The following TRDN variants were observed in gnomAD, a reference collection of about 807,000 sequenced individuals.
The protein encoded by TRDN is triadin in skeletal muscle.
In TRDN, 161 loss-of-function variants were observed where a neutral mutation model predicts 149.7. That is an observed-to-expected ratio of 1.08 (90% CI 0.95 to 1.23). TRDN has a LOEUF of 1.23. Ranked by LOEUF, TRDN falls within the 50% of genes most tolerant of loss-of-function variation. The probability of loss-of-function intolerance (pLI) is 0.00; values close to 1 mark genes in which losing one functional copy is unlikely to be tolerated. For synonymous variants in TRDN, 294 were observed against 250.5 expected (o/e 1.17, Z -1.64); for missense variants, 896 against 823.5 (o/e 1.09, Z -1.08).
At chr6:123,543,134 T>A (rs992001918) in intron 4 of TRDN, among the ~76,000 whole-genome samples, 2 of 152,288 alleles carry the variant, frequency 1.3e-5, no homozygotes, top group Non-Finnish European at 2.9e-5. Context: ...ATTCATTAAA[T>A]TTTTAACTGT....
At chr6:123,510,385 G>C (rs1379834447) in intron 7 of TRDN, 2 of 151,934 alleles carry the variant, frequency 1.3e-5, no homozygotes, top group South Asian at 2.1e-4. Context: ...GAGGCTTCTA[G>C]CTAATTGCCT....
At chr6:123,535,572 T>C (rs571288183) in intron 4 of TRDN, among the ~76,000 whole-genome samples, 1 of 152,246 alleles carries the variant, frequency 6.6e-6, no homozygotes, top group South Asian at 2.1e-4. Flanking sequence ...ACAACTTTCT[T>C]TCATTAAGGA....
intron 4 of TRDN, among the ~76,000 whole-genome samples, chr6:123,540,039 G>A (rs1442265099): frequency 2.0e-5 from 3 of 152,150 alleles, no homozygotes; most frequent in Non-Finnish European, 4.4e-5. Context: ...GACATTTGTG[G>A]CATTCCTGCT....
Position 123,350,575 on chromosome 6 carries a change from A to G in TRDN, c.1369+1964T>C, listed in dbSNP as rs542173169. On this transcript the variant is annotated intron_variant, in intron 21 of 40. Transcript: ENST00000334268. The stretch of plus-strand genomic sequence containing the variant: ...TTATGCATAACTATTAGAATATGGG[A>G]CAATTTATAGAATGTCATTATTACT... 2,081 of 714,416 alleles carry G rather than the reference A, an allele frequency of 2.9e-3. 3 individuals carry two copies. The highest frequency in any genetic ancestry group is 3.4e-3 in the Non-Finnish European group (1,991 of 582,924). The allele number at this position is 714,416 out of a possible 1,614,324, so 44.3% of individuals were successfully genotyped here.
At chr6:123,360,737 GAGAGAC>G (rs1780868911) in intron 20 of TRDN, among the ~76,000 whole-genome samples, 1 of 151,056 alleles carries the variant, frequency 6.6e-6, no homozygotes, top group Admixed American at 6.6e-5. Flanking sequence ...GAGAGAGAGA[GAGAGAC>G]AGGGAGAGAG....
chr6:123,264,681 A>AGAG (rs1776880103), intron 33 of TRDN, among the ~76,000 whole-genome samples: 8 of 135,408 alleles, frequency 5.9e-5, no homozygotes, highest in African/African-American at 8.3e-5. Context: ...TTGTCAGTCA[A>AGAG]TCAATGTACC....
At chr6:123,502,479 C>A (rs1012832980) in intron 8 of TRDN, 45 of 838,132 alleles carry the variant, frequency 5.4e-5, no homozygotes, top group Non-Finnish European at 6.0e-5. Flanking sequence ...AAGAAAAAAT[C>A]TTTCCTTTTT....
rs193019179 is a variant in TRDN at position 123,265,926 on chromosome 6, T to C, written c.1784-588A>G. 4.1e-3 allele frequency among the ~76,000 whole-genome samples: 602 copies of C among 146,730 alleles called. 7 individuals are homozygous for C. The highest frequency in any genetic ancestry group is 0.014 in the African/African-American group (575 of 40,502). On this transcript the variant is annotated intron_variant, in intron 32 of 40. Coordinates refer to ENST00000334268, the MANE Select transcript of TRDN (RefSeq NM_006073.4). The stretch of plus-strand genomic sequence containing the variant: ...AAATATATTAACTAAAAACGTTAAC[T>C]GTGTCATCGTACATCTAAAGTTCTA...
chr6:123,377,711 C>T lies in TRDN; in HGVS notation c.1246+5G>A. The T allele has an allele frequency of 6.2e-7, 1 of 1,613,082 alleles. No homozygotes were observed. The highest frequency in any genetic ancestry group is 8.5e-7 in the Non-Finnish European group (1 of 1,179,564). On this transcript the variant is annotated splice_donor_5th_base_variant and intron_variant, in intron 18 of 40. Coordinates refer to ENST00000334268, the MANE Select transcript of TRDN (RefSeq NM_006073.4). ...TCGGAATCCAGCAACAGTGGTCTTA[C>T]TCACCTGAGTGTTCTTTCTTTGGTG...
chr6:123,317,605 A>G (rs1009136620), intron 23 of TRDN, among the ~76,000 whole-genome samples: 1 of 151,870 alleles, frequency 6.6e-6, no homozygotes, highest in Non-Finnish European at 1.5e-5. Flanking sequence ...CCCCTTTTTG[A>G]CACATTCACT....
At chr6:123,496,161 C>T (rs970043000) in intron 9 of TRDN, among the ~76,000 whole-genome samples, 6 of 146,448 alleles carry the variant, frequency 4.1e-5, no homozygotes, top group East Asian at 4.0e-4. Flanking sequence ...TGACTTTCCC[C>T]CTCATTTAAA....
chr6:123,412,953 TA>T (rs1313026263), intron 12 of TRDN, among the ~76,000 whole-genome samples: 1 of 152,140 alleles, frequency 6.6e-6, no homozygotes, highest in Non-Finnish European at 1.5e-5. Flanking sequence ...AAAAAATATC[TA>T]AAATGTTCAA....
At chr6:123,331,510 C>A (rs1779657045) in intron 23 of TRDN, among the ~76,000 whole-genome samples, 1 of 152,012 alleles carries the variant, frequency 6.6e-6, no homozygotes, top group Non-Finnish European at 1.5e-5. Context: ...CAAAAGATTT[C>A]ACTGAGAAAT....
chr6:123,628,449 G>A (rs1292748639), intron 1 of TRDN, among the ~76,000 whole-genome samples: 1 of 151,884 alleles, frequency 6.6e-6, no homozygotes, highest in Non-Finnish European at 1.5e-5. Context: ...TTACAATATT[G>A]ATATCAAAGA....
At chr6:123,365,085 G>T (rs1325309695) in intron 20 of TRDN, among the ~76,000 whole-genome samples, 1 of 152,162 alleles carries the variant, frequency 6.6e-6, no homozygotes, top group African/African-American at 2.4e-5. Flanking sequence ...ACAAATATTA[G>T]ATTATAAGAA....
intron 23 of TRDN, 148 bp from the exon 24 acceptor site, chr6:123,316,643 C>A (rs1779035357): frequency 5.6e-6 from 3 of 534,600 alleles, no homozygotes; most frequent in South Asian, 3.1e-5. Flanking sequence ...ATACTGTTAT[C>A]AAAATATTAA....
At chr6:123,329,950 C>T (rs1779599397) in intron 23 of TRDN, among the ~76,000 whole-genome samples, 1 of 151,966 alleles carries the variant, frequency 6.6e-6, no homozygotes, top group African/African-American at 2.4e-5. Flanking sequence ...GAGGATTTAG[C>T]TAATGCATCT....
At chr6:123,411,204 G>A (rs1457349147) in intron 12 of TRDN, among the ~76,000 whole-genome samples, 3 of 151,644 alleles carry the variant, frequency 2.0e-5, no homozygotes, top group Admixed American at 6.6e-5. Context: ...CCGCCACCAC[G>A]CCCAGCTAAT....
chr6:123,274,993 C>T (rs998316579), intron 26 of TRDN, among the ~76,000 whole-genome samples: 1 of 152,084 alleles, frequency 6.6e-6, no homozygotes, highest in African/African-American at 2.4e-5. Flanking sequence ...TCTAAATTTT[C>T]TACTTTTTTC....
Sources: gnomAD v4.1 joint callset for allele counts (sites outside exome capture counted in the v4.1 genomes callset) on GRCh38, gnomAD v4.1.1 for gene constraint, MANE v1.5 for transcripts, NCBI Gene and HGNC (gene_info 2026-07-23, HGNC 2026-07-21) for gene names.